LAMA2: variants seen among roughly 807,000 people sequenced by gnomAD.
LAMA2 encodes the protein laminin subunit alpha 2.
A neutral mutation model predicts 364.8 loss-of-function variants in LAMA2; 269 were observed. The observed-to-expected ratio is 0.74, with a 90% CI of 0.67 to 0.82. LAMA2 has a LOEUF of 0.82. LAMA2 is among the 40% of genes least tolerant of loss of function. The pLI is 0.00. For missense variants in LAMA2, 3,807 were observed against 3,873.2 expected (o/e 0.98, Z 0.45); for synonymous variants, 1,379 against 1,370.6 (o/e 1.01, Z -0.14).
intron 27 of LAMA2, among the ~76,000 whole-genome samples, chr6:129,316,701 T>A (rs1583479361): frequency 6.6e-6 from 1 of 152,326 alleles, no homozygotes; most frequent in African/African-American, 2.4e-5. Context: ...AATGCAATGT[T>A]GTCGAACCTA....
At chr6:129,301,807 C>T (rs1045540161) in intron 22 of LAMA2, among the ~76,000 whole-genome samples, 2 of 152,072 alleles carry the variant, frequency 1.3e-5, no homozygotes, top group East Asian at 3.9e-4. Context: ...GTCCCCATCA[C>T]CCCCCATGTG....
At chr6:129,300,913 G>C in intron 22 of LAMA2, 41 bp downstream of exon 22, 1 of 1,607,398 alleles carries the variant, frequency 6.2e-7, no homozygotes, top group South Asian at 1.1e-5. Context: ...TTTTTGGAGA[G>C]ATTTTTGTTT....
intron 18 of LAMA2, among the ~76,000 whole-genome samples, chr6:129,284,688 A>G (rs1306728179): frequency 6.6e-6 from 1 of 152,114 alleles, no homozygotes; most frequent in Non-Finnish European, 1.5e-5. Context: ...CAAAAGTCTC[A>G]TCAGTGTGGT....
chr6:129,350,070 A>G (rs1776772797), intron 31 of LAMA2, among the ~76,000 whole-genome samples: 1 of 152,206 alleles, frequency 6.6e-6, no homozygotes, highest in African/African-American at 2.4e-5. Flanking sequence ...AGTTGCAATT[A>G]ATATCTTCCA....
At chr6:128,936,148 C>T (rs897256572) in intron 1 of LAMA2, among the ~76,000 whole-genome samples, 2 of 152,188 alleles carry the variant, frequency 1.3e-5, no homozygotes, top group African/African-American at 2.4e-5. Context: ...TCTCCCCAGC[C>T]GTGCTGAACT....
chr6:128,986,038 GT>G (rs1477393876), intron 1 of LAMA2, among the ~76,000 whole-genome samples: 1 of 152,114 alleles, frequency 6.6e-6, no homozygotes, highest in Non-Finnish European at 1.5e-5. Context: ...GAAAAAATGA[GT>G]TGGTTTACTA....
At chr6:129,449,624 T>G (rs1782563867) in intron 45 of LAMA2, among the ~76,000 whole-genome samples, 1 of 152,194 alleles carries the variant, frequency 6.6e-6, no homozygotes. Flanking sequence ...GCCGGCATAT[T>G]GGGTATAACA....
rs1562463686 is a variant in LAMA2, at chr6:129,328,268, T to C, written c.4177-10T>C. The stretch of plus-strand genomic sequence containing the variant: ...ACTTTGCTGTCCTAATTGGCTTCCT[T>C]TTCTTTCAGGCATGCTTGCCGGGAT... On this transcript the variant is annotated splice_polypyrimidine_tract_variant and intron_variant, in intron 28 of 64. Coordinates refer to ENST00000421865, the MANE Select transcript of LAMA2 (RefSeq NM_000426.4). 1 of 1,613,884 alleles carries C rather than the reference T, an allele frequency of 6.2e-7. No homozygotes were observed. Among genetic ancestry groups the C allele is most frequent in the East Asian group, 2.2e-5 (1 of 44,884 alleles).
At chr6:128,980,123 C>A (rs1343276907) in intron 1 of LAMA2, among the ~76,000 whole-genome samples, 1 of 152,154 alleles carries the variant, frequency 6.6e-6, no homozygotes, top group Non-Finnish European at 1.5e-5. Context: ...CCTGACAGAT[C>A]AGTAACCTCA....
rs376097319 is a variant in LAMA2 at position 129,280,159 on chromosome 6, C to T, written c.2537+12C>T. On this transcript the variant is annotated intron_variant, in intron 18 of 64. Coordinates refer to ENST00000421865, the MANE Select transcript of LAMA2 (RefSeq NM_000426.4). ...CCACGCTGTGAGAGGTAAGAGTATA[C>T]TACACTGTCTTGCAAAATGATTTCT... 5.9e-6 allele frequency: 9 copies of T among 1,516,844 alleles called. No homozygotes were observed. The highest frequency in any genetic ancestry group is 2.7e-5 in the African/African-American group (2 of 72,920). The allele number at this position is 1,516,844 out of a possible 1,614,324, so 94.0% of individuals were successfully genotyped here.
At chr6:129,118,279 T>TA (rs1776590624) in intron 4 of LAMA2, among the ~76,000 whole-genome samples, 1 of 152,056 alleles carries the variant, frequency 6.6e-6, no homozygotes. Flanking sequence ...AAGTAAAAAA[T>TA]AAAAAACAAA....
At chr6:128,917,699 C>CTTTTTTTTTTT (rs113304257) in intron 1 of LAMA2, among the ~76,000 whole-genome samples, 2 of 100,946 alleles carry the variant, frequency 2.0e-5, no homozygotes, top group African/African-American at 4.1e-5. Context: ...TGTCCTTTTT[C>CTTTTTTTTTTT]TTTTTTTTTT....
rs1342593788 is a variant in LAMA2, at chr6:129,370,063, C to A, written c.4959+73C>A. 1.6e-5 allele frequency: 20 copies of A among 1,228,690 alleles called. No homozygotes were observed. In the East Asian group the frequency reaches 4.7e-4, roughly 29 times the overall value. 76.1% of individuals were successfully genotyped at this position (1,228,690 alleles called of 1,614,324 possible). On this transcript the variant is annotated intron_variant, in intron 34 of 64. Coordinates refer to ENST00000421865, the MANE Select transcript of LAMA2 (RefSeq NM_000426.4). ...AATGAAGGAAAATTACTTCAAAGTT[C>A]TGAAATGCAAATCACCTTCTTCCTA...
At chr6:129,033,565 A>T (rs780554687) in intron 1 of LAMA2, among the ~76,000 whole-genome samples, 1 of 152,082 alleles carries the variant, frequency 6.6e-6, no homozygotes, top group African/African-American at 2.4e-5. Context: ...AAAGCCCTAA[A>T]TTTTTTTTGT....
intron 3 of LAMA2, among the ~76,000 whole-genome samples, chr6:129,079,098 G>A (rs1583002266): frequency 2.6e-5 from 4 of 152,118 alleles, no homozygotes; most frequent in Admixed American, 2.6e-4. Flanking sequence ...TCCACCTTCT[G>A]GCTATTGTTC....
At chr6:128,929,994 C>T (rs565815478) in intron 1 of LAMA2, 2 of 553,018 alleles carry the variant, frequency 3.6e-6, no homozygotes, top group Non-Finnish European at 6.5e-6. Context: ...CGCACGGCGG[C>T]GTTATCCCAC....
intron 1 of LAMA2, among the ~76,000 whole-genome samples, chr6:128,911,808 G>C (rs1777984739): frequency 6.6e-6 from 1 of 152,068 alleles, no homozygotes; most frequent in Non-Finnish European, 1.5e-5. Flanking sequence ...GGCCCTCACT[G>C]TTTTTTTGCT....
intron 37 of LAMA2, among the ~76,000 whole-genome samples, chr6:129,397,053 C>T (rs1779694232): frequency 6.6e-6 from 1 of 150,922 alleles, no homozygotes; most frequent in Non-Finnish European, 1.5e-5. Context: ...ATAGCTTTTG[C>T]AGGTTCCTGA....
chr6:129,389,955 A>G (rs1392153468), intron 35 of LAMA2, among the ~76,000 whole-genome samples: 2 of 152,208 alleles, frequency 1.3e-5, no homozygotes, highest in Non-Finnish European at 2.9e-5. Flanking sequence ...TCTGCCTCCA[A>G]ATACCATCAC....
Sources: gnomAD v4.1 joint callset for allele counts (sites outside exome capture counted in the v4.1 genomes callset) on GRCh38, gnomAD v4.1.1 for gene constraint, MANE v1.5 for transcripts, NCBI Gene and HGNC (gene_info 2026-07-23, HGNC 2026-07-21) for gene names.